DEK: variants seen among roughly 807,000 people sequenced by gnomAD.
DEK encodes the protein DEK proto-oncogene, also known as protein DEK.
DEK carries 28 observed loss-of-function variants against 46.8 expected under a neutral mutation model. The observed-to-expected ratio is 0.60, with a 90% CI of 0.44 to 0.82. DEK has a LOEUF of 0.82. Among genes scored for constraint, DEK ranks in the 40% least tolerant of loss-of-function variants. The pLI is 0.00. For synonymous variants in DEK, 160 were observed against 144.5 expected, an observed-to-expected ratio of 1.11 and a Z score of -0.77; for missense variants, 416 against 430.6, an observed-to-expected ratio of 0.97 and a Z score of 0.30.
At chr6:18,264,088 G>C (rs1366400570) in intron 1 of DEK, 92 bp from the exon 2 acceptor site, 1 of 1,208,512 alleles carries the variant, frequency 8.3e-7, no homozygotes, top group Non-Finnish European at 1.1e-6. Context: ...CCTTCCCGCG[G>C]GACACCTGCC....
chr6:18,249,880 T>G, intron 6 of DEK, 41 bp from the exon 7 acceptor site: 1 of 1,529,672 alleles, frequency 6.5e-7, no homozygotes, highest in Non-Finnish European at 8.7e-7. Flanking sequence ...TGAGGTATAA[T>G]ATTTCAATCA....
At chr6:18,230,792 C>T (rs1194082851) in intron 9 of DEK, among the ~76,000 whole-genome samples, 1 of 152,168 alleles carries the variant, frequency 6.6e-6, no homozygotes, top group Admixed American at 6.5e-5. Context: ...GACTTTAACA[C>T]CACACTGCAA....
At chr6:18,244,585 T>C (rs1791030054) in intron 7 of DEK, 2 of 1,288,734 alleles carry the variant, frequency 1.6e-6, no homozygotes, top group African/African-American at 1.5e-5. Flanking sequence ...AATTCTGTCC[T>C]CACAGCAGAA....
intron 9 of DEK, among the ~76,000 whole-genome samples, chr6:18,229,029 C>T (rs1790273630): frequency 6.6e-6 from 1 of 152,172 alleles, no homozygotes. Context: ...CCTCACACGG[C>T]CGGGTGCCAC....
At chr6:18,248,955 T>G (rs1791242079) in intron 7 of DEK, among the ~76,000 whole-genome samples, 1 of 152,122 alleles carries the variant, frequency 6.6e-6, no homozygotes, top group South Asian at 2.1e-4. Flanking sequence ...ACATCAAAGT[T>G]AAAATACAGT....
chr6:18,232,437 G>A (rs1790451116), intron 9 of DEK, among the ~76,000 whole-genome samples: 1 of 152,186 alleles, frequency 6.6e-6, no homozygotes, highest in Non-Finnish European at 1.5e-5. Flanking sequence ...CCTGTTTGCA[G>A]ATGACATGAT....
At chr6:18,233,398 A>C (rs981778403) in intron 9 of DEK, among the ~76,000 whole-genome samples, 1 of 152,258 alleles carries the variant, frequency 6.6e-6, no homozygotes, top group Non-Finnish European at 1.5e-5. Context: ...AGAAACTACC[A>C]TCAGAGTGAA....
rs70974716 is a variant in DEK at position 18,250,568 on chromosome 6, C to CTTT, written c.574-732_574-730dup. Among the ~76,000 whole-genome samples, 32 of 62,846 alleles carry CTTT rather than the reference C, an allele frequency of 5.1e-4. 1 individual carries two copies. Among genetic ancestry groups the CTTT allele is most frequent in the East Asian group, 1.1e-3 (2 of 1,856 alleles). The allele number at this position is 62,846 out of a possible 152,430, so 41.2% of individuals were successfully genotyped here. ...CCAATCGAAGGAATGGGAGAAAAAC[C>CTTT]TTTTTTTTTTTTTTTTTTTTTTTTT... On this transcript the variant is annotated intron_variant, in intron 6 of 10. Coordinates refer to ENST00000652689, the MANE Select transcript of DEK (RefSeq NM_003472.4).
intron 7 of DEK, among the ~76,000 whole-genome samples, chr6:18,239,338 CTTTT>C (rs58941276): frequency 5.4e-4 from 42 of 78,292 alleles, no homozygotes; most frequent in African/African-American, 2.5e-3. Context: ...ATTTTAGTGT[CTTTT>C]TTTTTTTTTT....
chr6:18,246,386 CTTTTA>C (rs1234369431), intron 7 of DEK, among the ~76,000 whole-genome samples: 3 of 152,158 alleles, frequency 2.0e-5, no homozygotes, highest in Non-Finnish European at 4.4e-5. Flanking sequence ...AAAGAATACT[CTTTTA>C]TTTAATTACA....
intron 7 of DEK, among the ~76,000 whole-genome samples, chr6:18,241,308 C>T (rs529374600): frequency 1.3e-5 from 2 of 152,284 alleles, no homozygotes; most frequent in East Asian, 3.9e-4. Flanking sequence ...GAAAAAAACA[C>T]AGGGAGAGCT....
Position 18,225,098 on chromosome 6 carries a change from A to G in DEK, c.*621T>C, listed in dbSNP as rs1790051343. The G allele has an allele frequency of 9.3e-6, 2 of 214,652 alleles. No individual in the cohort carries two copies. Among genetic ancestry groups the G allele is most frequent in the East Asian group, 1.4e-4 (2 of 14,298 alleles). The allele number at this position is 214,652 out of a possible 1,614,324, so 13.3% of individuals were successfully genotyped here. On this transcript the variant is annotated 3_prime_UTR_variant, in exon 11 of 11. Transcript: ENST00000652689. ...TTAAAAAGTGATCTGCACAAAAGAAATAAAAAAACTTTATATACAACCAAT... is the reference window on the plus strand; with the variant it reads ...TTAAAAAGTGATCTGCACAAAAGAAGTAAAAAAACTTTATATACAACCAAT...
At chr6:18,247,564 C>A (rs1027752554) in intron 7 of DEK, among the ~76,000 whole-genome samples, 6 of 152,084 alleles carry the variant, frequency 3.9e-5, no homozygotes, top group Admixed American at 3.3e-4. Flanking sequence ...TATCCTGGAA[C>A]CAATATGGGT....
intron 9 of DEK, among the ~76,000 whole-genome samples, chr6:18,234,096 C>G (rs1790537568): frequency 6.7e-6 from 1 of 148,934 alleles, no homozygotes; most frequent in Admixed American, 6.9e-5. Flanking sequence ...GACAGAAAAC[C>G]AAACACTGCA....
chr6:18,249,956 C>T (rs1222608700), intron 6 of DEK, 117 bp from the exon 7 acceptor site: 2 of 1,398,928 alleles, frequency 1.4e-6, no homozygotes, highest in Non-Finnish European at 1.9e-6. Flanking sequence ...TATTTACAAG[C>T]CCAGCAGCTT....
intron 2 of DEK, among the ~76,000 whole-genome samples, chr6:18,260,344 C>T (rs1033519961): frequency 1.4e-4 from 21 of 152,172 alleles, no homozygotes; most frequent in African/African-American, 5.1e-4. Flanking sequence ...ATTGAATCCA[C>T]AGATGAGGAA....
Position 18,255,797 on chromosome 6 carries a change from T to C in DEK, c.507A>G (p.Ser169=), listed in dbSNP as rs1443265504. ...TCTTCACTAGTTCACTATTTACACC[T>C]GATCTCTCCAAATCAAGAACCTCAC... ...SICEVLDLER[S]GVNSELVKRI... The change falls in exon 6 of 11, where the codon TCA becomes TCG. Residue 169 remains serine, a synonymous_variant. Transcript: ENST00000652689. 2 of 1,612,668 alleles carry C rather than the reference T, an allele frequency of 1.2e-6. No homozygotes were observed. The highest frequency in any genetic ancestry group is 2.2e-5 in the East Asian group (1 of 44,834).
intron 7 of DEK, among the ~76,000 whole-genome samples, chr6:18,246,270 T>G (rs7750525): frequency 2.6e-5 from 4 of 152,118 alleles, no homozygotes; most frequent in Non-Finnish European, 5.9e-5. Context: ...CCTTCCCAAT[T>G]GCTCTCCTTT....
At chr6:18,232,451 A>G (rs1167696590) in intron 9 of DEK, among the ~76,000 whole-genome samples, 2 of 152,320 alleles carry the variant, frequency 1.3e-5, no homozygotes, top group African/African-American at 2.4e-5. Flanking sequence ...ACATGATTCT[A>G]TATTTAGAAA....
Sources: allele counts gnomAD v4.1 joint callset (sites outside exome capture counted in the v4.1 genomes callset), GRCh38; gene constraint gnomAD v4.1.1; transcripts MANE v1.5; gene names NCBI Gene and HGNC (gene_info 2026-07-23, HGNC 2026-07-21).